Variants in ITPR2 observed in about 807,000 individuals in gnomAD.
ITPR2 encodes the protein inositol 1,4,5-trisphosphate-gated calcium channel ITPR2.
ITPR2 carries 207 observed loss-of-function variants against 317.1 expected under a neutral mutation model. The ratio of observed to expected loss-of-function variants is 0.65; its 90% CI spans 0.58 to 0.73. ITPR2 has a LOEUF of 0.73. ITPR2 is among the 30% of genes least tolerant of loss of function. ITPR2 has a pLI of 0.00. For missense variants in ITPR2, 2,613 were observed against 3,284.0 expected (o/e 0.80, Z 4.99); for synonymous variants, 1,156 against 1,149.1 (o/e 1.01, Z -0.12).
chr12:26,687,896 C>T (rs1269508705), intron 10 of ITPR2, among the ~76,000 whole-genome samples: 1 of 152,076 alleles, frequency 6.6e-6, no homozygotes, highest in Non-Finnish European at 1.5e-5. Context: ...CAAAGGGTGA[C>T]CCTCATAACA....
chr12:26,805,792 A>G (rs1301241858), intron 1 of ITPR2, among the ~76,000 whole-genome samples: 1 of 109,818 alleles, frequency 9.1e-6, no homozygotes, highest in East Asian at 3.1e-4. Flanking sequence ...GGCTGGCAGG[A>G]GCCAGGAAGG....
chr12:26,589,742 GCCCCACTGCACT>G lies in ITPR2; in HGVS notation c.4380+5711_4380+5722del, dbSNP rs1281272853. ...ACAGAGGTTGCAGTGAGCCAAGATCGCCCCACTGCACTCCAGCCTGAGTGAAAGAACGAAACT... is the reference window on the plus strand; with the variant it reads ...ACAGAGGTTGCAGTGAGCCAAGATCGCCAGCCTGAGTGAAAGAACGAAACT... On this transcript the variant is annotated intron_variant, in intron 32 of 56. Coordinates refer to ENST00000381340, the MANE Select transcript of ITPR2 (RefSeq NM_002223.4). Among the ~76,000 whole-genome samples the G allele has an allele frequency of 1.1e-4, 16 of 143,980 alleles. No individual in the cohort carries two copies. The East Asian group carries it at 2.6e-3, about 23-fold the overall frequency. The allele number at this position is 143,980 out of a possible 152,430, so 94.5% of individuals were successfully genotyped here.
intron 48 of ITPR2, among the ~76,000 whole-genome samples, chr12:26,434,977 T>C (rs1941314731): frequency 6.6e-6 from 1 of 152,222 alleles, no homozygotes; most frequent in African/African-American, 2.4e-5. Context: ...TTGCAGTTGC[T>C]CTATAATGGA....
intron 37 of ITPR2, among the ~76,000 whole-genome samples, chr12:26,497,573 C>T (rs1297715495): frequency 1.7e-5 from 1 of 60,358 alleles, no homozygotes; most frequent in African/African-American, 5.2e-5. Flanking sequence ...ATTCTGGAAG[C>T]ATAAGAGGAG....
chr12:26,589,472 T>A (rs1945628268), intron 32 of ITPR2, among the ~76,000 whole-genome samples: 1 of 151,990 alleles, frequency 6.6e-6, no homozygotes, highest in Non-Finnish European at 1.5e-5. Flanking sequence ...TTACTATTAG[T>A]AATTTCATTT....
intron 5 of ITPR2, among the ~76,000 whole-genome samples, chr12:26,721,579 G>A (rs1291590987): frequency 1.3e-5 from 2 of 151,940 alleles, no homozygotes; most frequent in African/African-American, 2.4e-5. Context: ...CTTATTCAGC[G>A]CTCAGTGTCT....
At chr12:26,354,859 G>T (rs181151193) in intron 55 of ITPR2, among the ~76,000 whole-genome samples, 127 of 152,204 alleles carry the variant, frequency 8.3e-4, no homozygotes, top group African/African-American at 2.9e-3. Context: ...TTTTAGTAGA[G>T]ACAGGGTTTC....
chr12:26,582,078 T>C (rs1450184656), intron 32 of ITPR2, among the ~76,000 whole-genome samples: 1 of 152,202 alleles, frequency 6.6e-6, no homozygotes, highest in Non-Finnish European at 1.5e-5. Flanking sequence ...TTTACAAAGC[T>C]ATGTGGAACC....
chr12:26,597,102 A>G lies in ITPR2; in HGVS notation c.4035T>C (p.Phe1345=), dbSNP rs1268427273. ...TTGGAAATGATGCTCTATCATTGTAAAATATCAGCACGTCTTCACCCCCAT... is the reference window on the plus strand; with the variant it reads ...TTGGAAATGATGCTCTATCATTGTAGAATATCAGCACGTCTTCACCCCCAT... The part of the protein sequence containing the change: ...LINGGEDVLI[F]YNDRASFPIL... The change falls in exon 31 of 57, where the codon TTT becomes TTC. Residue 1345 remains phenylalanine (F), a synonymous_variant. Transcript: ENST00000381340. The G allele has an allele frequency of 6.2e-7, 1 of 1,614,006 alleles. No homozygotes were observed. Among genetic ancestry groups the G allele is most frequent in the Non-Finnish European group, 8.5e-7 (1 of 1,179,978 alleles).
intron 55 of ITPR2, among the ~76,000 whole-genome samples, chr12:26,364,134 G>T (rs1255253249): frequency 6.6e-6 from 1 of 152,120 alleles, no homozygotes; most frequent in African/African-American, 2.4e-5. Context: ...TAAAAAATAT[G>T]GCGGGTCAGA....
chr12:26,397,136 T>C (rs1940027227), intron 54 of ITPR2, among the ~76,000 whole-genome samples: 1 of 152,166 alleles, frequency 6.6e-6, no homozygotes, highest in Non-Finnish European at 1.5e-5. Context: ...TTAAAATTCT[T>C]TAATGGTTCA....
At chr12:26,503,190 A>AACACACAGAC (rs1943112534) in intron 37 of ITPR2, among the ~76,000 whole-genome samples, 1 of 139,122 alleles carries the variant, frequency 7.2e-6, no homozygotes, top group Non-Finnish European at 1.5e-5. Flanking sequence ...GCCCCCCACC[A>AACACACAGAC]ACACACACAC....
intron 2 of ITPR2, among the ~76,000 whole-genome samples, chr12:26,785,836 T>A (rs1319503065): frequency 6.6e-5 from 3 of 45,624 alleles, no homozygotes; most frequent in African/African-American, 6.6e-5. Flanking sequence ...GGTGGGGGGG[T>A]CAGCCCCCCG....
At chr12:26,522,474 G>A (rs532521201) in intron 37 of ITPR2, among the ~76,000 whole-genome samples, 1 of 152,062 alleles carries the variant, frequency 6.6e-6, no homozygotes, top group Non-Finnish European at 1.5e-5. Flanking sequence ...CAGTGTTTGG[G>A]GACCATTATT....
intron 41 of ITPR2, among the ~76,000 whole-genome samples, chr12:26,484,782 G>A (rs973155007): frequency 1.3e-5 from 2 of 152,054 alleles, no homozygotes; most frequent in South Asian, 2.1e-4. Context: ...CATCATCTCC[G>A]CTCACTGCAA....
chr12:26,394,763 A>T (rs1297030827), intron 54 of ITPR2, among the ~76,000 whole-genome samples: 1 of 152,144 alleles, frequency 6.6e-6, no homozygotes, highest in Non-Finnish European at 1.5e-5. Flanking sequence ...TGGGGTTGTG[A>T]GCCCGGGTTA....
chr12:26,573,948 G>T (rs148100971), intron 34 of ITPR2, among the ~76,000 whole-genome samples: 17 of 152,292 alleles, frequency 1.1e-4, no homozygotes, highest in African/African-American at 4.1e-4. Context: ...GGCACATTTA[G>T]TAAGGACACT....
At chr12:26,366,913 T>C (rs1391188755) in intron 55 of ITPR2, among the ~76,000 whole-genome samples, 1 of 152,102 alleles carries the variant, frequency 6.6e-6, no homozygotes, top group Non-Finnish European at 1.5e-5. Context: ...CAAAAAATCA[T>C]CCAGATGCCA....
chr12:26,398,064 G>T (rs1940057509), intron 54 of ITPR2, among the ~76,000 whole-genome samples: 1 of 121,726 alleles, frequency 8.2e-6, no homozygotes, highest in Non-Finnish European at 1.8e-5. Flanking sequence ...AGTGGTGTGT[G>T]TGTGTGTGTG....
Sources: gnomAD v4.1 joint callset for allele counts (sites outside exome capture counted in the v4.1 genomes callset) on GRCh38, gnomAD v4.1.1 for gene constraint, MANE v1.5 for transcripts, NCBI Gene and HGNC (gene_info 2026-07-23, HGNC 2026-07-21) for gene names.